Variants in GRHL2 observed in about 807,000 individuals in gnomAD.
GRHL2 encodes the protein grainyhead-like protein 2 homolog.
A neutral mutation model predicts 83.8 loss-of-function variants in GRHL2; 21 were observed. The observed-to-expected ratio is 0.25, with a 90% CI of 0.18 to 0.36. The LOEUF is 0.36. Ranked by LOEUF, GRHL2 falls within the 10% of genes least tolerant of loss-of-function variation. The pLI is 1.00. For synonymous variants in GRHL2, 280 were observed against 278.9 expected (o/e 1.00, Z -0.04); for missense variants, 623 against 781.8 (o/e 0.80, Z 2.42).
intron 2 of GRHL2, among the ~76,000 whole-genome samples, chr8:101,550,131 A>AC (rs1554585405): frequency 6.8e-6 from 1 of 147,234 alleles, no homozygotes; most frequent in Non-Finnish European, 1.5e-5. Flanking sequence ...ATTTATTTTT[A>AC]TTTTTTTTAA....
intron 11 of GRHL2, among the ~76,000 whole-genome samples, chr8:101,634,058 G>A (rs1415319196): frequency 6.6e-6 from 1 of 152,194 alleles, no homozygotes; most frequent in Non-Finnish European, 1.5e-5. Context: ...GTCAGCCTGA[G>A]GTGGAATCAG....
intron 13 of GRHL2, 27 bp from the exon 14 acceptor site, chr8:101,649,387 C>T (rs774075253): frequency 9.5e-6 from 15 of 1,584,008 alleles, no homozygotes; most frequent in African/African-American, 8.1e-5. Flanking sequence ...CCCTCGGTCA[C>T]GTGGCTCTCT....
chr8:101,528,859 A>G, intron 1 of GRHL2: 2 of 350,176 alleles, frequency 5.7e-6, no homozygotes, highest in Middle Eastern at 4.0e-4. Context: ...TAGCTTATCC[A>G]GGTTCATGAT....
chr8:101,591,188 A>T (rs1812273706), intron 7 of GRHL2, among the ~76,000 whole-genome samples: 1 of 152,250 alleles, frequency 6.6e-6, no homozygotes, highest in Admixed American at 6.5e-5. Context: ...ATAGAATTGG[A>T]TCCTATAATT....
chr8:101,595,477 A>T (rs566325252), intron 7 of GRHL2, among the ~76,000 whole-genome samples: 36 of 152,216 alleles, frequency 2.4e-4, no homozygotes, highest in Non-Finnish European at 4.6e-4. Flanking sequence ...CTTATTTTTA[A>T]ATGTGTATTT....
At chr8:101,678,106 C>T in the GRHL2 span, among the ~76,000 whole-genome samples, 1 of 152,194 alleles carries the variant, frequency 6.6e-6, no homozygotes, top group Non-Finnish European at 1.5e-5. Context: ...GGAACAGCTC[C>T]AGTCTACAGC....
intron 1 of GRHL2, among the ~76,000 whole-genome samples, chr8:101,536,400 A>G (rs1811045649): frequency 6.6e-6 from 1 of 152,240 alleles, no homozygotes; most frequent in Non-Finnish European, 1.5e-5. Flanking sequence ...CATGTAAGGG[A>G]TAAAGAGAAA....
intron 12 of GRHL2, among the ~76,000 whole-genome samples, chr8:101,637,698 T>C (rs1404682678): frequency 6.6e-6 from 1 of 152,188 alleles, no homozygotes; most frequent in Non-Finnish European, 1.5e-5. Context: ...AAATTCCCAG[T>C]GATGGAGAGT....
At chr8:101,592,100 CTTTTTT>C (rs11382067) in intron 7 of GRHL2, among the ~76,000 whole-genome samples, 82 of 90,300 alleles carry the variant, frequency 9.1e-4, no homozygotes, top group Non-Finnish European at 1.1e-3. Flanking sequence ...TCTTTCTTTT[CTTTTTT>C]TTTTTTTTTT....
chr8:101,492,987 A>G (rs1367076866), intron 1 of GRHL2, 198 bp downstream of exon 1: 1 of 637,214 alleles, frequency 1.6e-6, no homozygotes, highest in Non-Finnish European at 2.8e-6. Flanking sequence ...CAATGTGAAT[A>G]TTTAATATCC....
intron 7 of GRHL2, among the ~76,000 whole-genome samples, chr8:101,584,043 T>C (rs1273155074): frequency 6.6e-6 from 1 of 152,208 alleles, no homozygotes; most frequent in Non-Finnish European, 1.5e-5. Flanking sequence ...ATAAACATCA[T>C]TATAGTCACA....
chr8:101,514,054 C>T (rs186562306), intron 1 of GRHL2, among the ~76,000 whole-genome samples: 1 of 152,280 alleles, frequency 6.6e-6, no homozygotes, highest in Non-Finnish European at 1.5e-5. Flanking sequence ...TCTCCCTTAT[C>T]TCACTGGGTC....
chr8:101,658,538 A>G (rs1813847905), intron 14 of GRHL2, among the ~76,000 whole-genome samples: 1 of 152,172 alleles, frequency 6.6e-6, no homozygotes, highest in Admixed American at 6.5e-5. Flanking sequence ...GACTCAATAA[A>G]TGCTAGCTAT....
the GRHL2 span, among the ~76,000 whole-genome samples, chr8:101,679,009 G>T: frequency 1.4e-5 from 2 of 138,582 alleles, no homozygotes; most frequent in African/African-American, 5.6e-5. Flanking sequence ...ACTCTAAAAA[G>T]CAGAGCGCCT....
intron 7 of GRHL2, among the ~76,000 whole-genome samples, chr8:101,578,450 G>T (rs1040674398): frequency 2.6e-5 from 4 of 152,208 alleles, no homozygotes; most frequent in Non-Finnish European, 4.4e-5. Flanking sequence ...GAGTCAGAGG[G>T]CACATTACCG....
chr8:101,565,785 G>A (rs1420189943), intron 4 of GRHL2, among the ~76,000 whole-genome samples: 1 of 152,202 alleles, frequency 6.6e-6, no homozygotes, highest in Non-Finnish European at 1.5e-5. Context: ...CTCAGGAATT[G>A]AGAAGAACTA....
At chr8:101,673,437 C>G (rs201298893), downstream of GRHL2, among the ~76,000 whole-genome samples, 2 of 151,174 alleles carry the variant, frequency 1.3e-5, no homozygotes, top group Non-Finnish European at 2.9e-5. Context: ...AACCAACAAA[C>G]ATCAAAAGAG....
intron 4 of GRHL2, among the ~76,000 whole-genome samples, chr8:101,561,180 G>A (rs979839323): frequency 3.4e-5 from 5 of 148,696 alleles, no homozygotes; most frequent in Non-Finnish European, 7.4e-5. Context: ...CTTTTTAAAT[G>A]GTTTTATGTG....
intron 1 of GRHL2, among the ~76,000 whole-genome samples, chr8:101,532,542 G>A (rs1312366548): frequency 6.6e-6 from 1 of 152,110 alleles, no homozygotes; most frequent in Non-Finnish European, 1.5e-5. Context: ...ACGAGGTCAG[G>A]AGTTCAAGAC....
Sources: gnomAD v4.1 joint callset for allele counts (sites outside exome capture counted in the v4.1 genomes callset) on GRCh38, gnomAD v4.1.1 for gene constraint, MANE v1.5 for transcripts, NCBI Gene and HGNC (gene_info 2026-07-23, HGNC 2026-07-21) for gene names.